The following DSCAM variants were observed in gnomAD, a reference collection of about 807,000 sequenced individuals.
DSCAM encodes the protein cell adhesion molecule DSCAM.
In DSCAM, 47 loss-of-function variants were observed where a neutral mutation model predicts 217.7. The ratio of observed to expected loss-of-function variants is 0.22; its 90% CI spans 0.17 to 0.28. DSCAM has a LOEUF of 0.28. DSCAM is among the 10% of genes least tolerant of loss of function. The pLI is 1.00. For synonymous variants in DSCAM, 1,056 were observed against 1,015.3 expected, an observed-to-expected ratio of 1.04 and a Z score of -0.76; for missense variants, 2,080 against 2,618.3, an observed-to-expected ratio of 0.79 and a Z score of 4.49.
At chr21:40,652,875 G>A (rs1380217432) in intron 3 of DSCAM, among the ~76,000 whole-genome samples, 2 of 152,178 alleles carry the variant, frequency 1.3e-5, no homozygotes, top group African/African-American at 4.8e-5. Context: ...CGCTGTGTCA[G>A]TTGAACCTCT....
intron 3 of DSCAM, among the ~76,000 whole-genome samples, chr21:40,563,876 A>G (rs1448481393): frequency 2.0e-5 from 3 of 151,466 alleles, no homozygotes; most frequent in Admixed American, 6.6e-5. Context: ...ATATATAGTT[A>G]TATGTTTAGA....
At chr21:40,701,993 C>G (rs2090661728) in intron 2 of DSCAM, among the ~76,000 whole-genome samples, 1 of 152,072 alleles carries the variant, frequency 6.6e-6, no homozygotes, top group African/African-American at 2.4e-5. Flanking sequence ...TACTGATTTT[C>G]TGTCTACTTC....
intron 21 of DSCAM, among the ~76,000 whole-genome samples, chr21:40,088,144 C>T (rs768354284): frequency 5.9e-5 from 9 of 152,100 alleles, no homozygotes; most frequent in Non-Finnish European, 8.8e-5. Flanking sequence ...TTTGTTTTAG[C>T]CAGTATGCTT....
At chr21:40,759,704 A>G (rs564436604) in intron 1 of DSCAM, among the ~76,000 whole-genome samples, 20 of 152,246 alleles carry the variant, frequency 1.3e-4, no homozygotes, top group African/African-American at 4.3e-4. Context: ...GCTTCAGTCC[A>G]GGACTTCAAA....
At position 40,408,310 on chromosome 21, in the gene DSCAM, A is replaced by C. The variant is rs563192133; in HGVS notation, c.509-39065T>G. 7.2e-5 allele frequency among the ~76,000 whole-genome samples: 11 copies of C among 152,268 alleles called. 1 individual carries two copies. Among genetic ancestry groups the C allele is most frequent in the African/African-American group, 2.4e-4 (10 of 41,564 alleles). The stretch of plus-strand genomic sequence containing the variant: ...CTGTGATAGGGTGGGGGGACAGGAC[A>C]CTGAAAAGCTGGAATTTAAGGTAAC... On this transcript the variant is annotated intron_variant, in intron 3 of 32. Transcript: ENST00000400454.
chr21:40,397,986 C>G (rs980233540), intron 3 of DSCAM, among the ~76,000 whole-genome samples: 2 of 152,182 alleles, frequency 1.3e-5, no homozygotes, highest in African/African-American at 4.8e-5. Context: ...TACCACTACT[C>G]TAAGAGCACC....
chr21:40,460,258 T>C (rs1012846), intron 3 of DSCAM, among the ~76,000 whole-genome samples: 105,243 of 152,006 alleles, frequency 0.69, 37,354 homozygotes, highest in African/African-American at 0.86. Flanking sequence ...CTGCACATCC[T>C]GCACAGGTAC....
intron 11 of DSCAM, among the ~76,000 whole-genome samples, chr21:40,225,622 T>A (rs955468861): frequency 6.6e-6 from 1 of 152,130 alleles, no homozygotes; most frequent in African/African-American, 2.4e-5. Context: ...GGCCCCGCCA[T>A]CCATCCTGAG....
intron 1 of DSCAM, among the ~76,000 whole-genome samples, chr21:40,807,109 GAATCAATC>G (rs138377770): frequency 0.29 from 44,224 of 151,114 alleles, 7,927 homozygotes; most frequent in African/African-American, 0.51. Context: ...AAAGTATAAT[GAATCAATC>G]AATCAATCAA....
chr21:40,671,302 AAGG>A (rs1230466343), intron 3 of DSCAM, among the ~76,000 whole-genome samples: 1 of 152,238 alleles, frequency 6.6e-6, no homozygotes. Flanking sequence ...TAAAACTTAT[AAGG>A]AGAACAGATA....
At chr21:40,367,795 G>A (rs549246008) in intron 4 of DSCAM, among the ~76,000 whole-genome samples, 2 of 152,120 alleles carry the variant, frequency 1.3e-5, no homozygotes, top group Non-Finnish European at 2.9e-5. Context: ...AGGTGGCTTA[G>A]TGTATGATAT....
intron 1 of DSCAM, among the ~76,000 whole-genome samples, chr21:40,814,185 C>A (rs1311255699): frequency 6.6e-6 from 1 of 152,204 alleles, no homozygotes; most frequent in African/African-American, 2.4e-5. Flanking sequence ...TATTTGTGGC[C>A]TCCAGCATGG....
intron 11 of DSCAM, among the ~76,000 whole-genome samples, chr21:40,214,038 T>G (rs941455066): frequency 6.6e-6 from 1 of 152,192 alleles, no homozygotes; most frequent in African/African-American, 2.4e-5. Flanking sequence ...CTTCCTTTCC[T>G]AGACAGACGG....
In DSCAM at chr21:40,074,903, C is replaced by A. The variant is rs549286292; in HGVS notation, c.4888+134G>T. ...TCTCGCTGAAGGAATGTCAGAGAAC[C>A]AGGCAGTGGAGGGACCTGGGTTAAA... On this transcript the variant is annotated intron_variant, in intron 27 of 32. Transcript: ENST00000400454. 1,322 of 841,208 alleles carry A rather than the reference C, an allele frequency of 1.6e-3. 1 individual carries two copies. The highest frequency in any genetic ancestry group is 2.2e-3 in the Non-Finnish European group (1,237 of 559,266). 52.1% of individuals were successfully genotyped at this position (841,208 alleles called of 1,614,324 possible).
Position 40,156,287 on chromosome 21 carries a change from CAGAGAGAGAGAGAGAGAGAGAG to C in DSCAM, c.3018+10909_3018+10930del, listed in dbSNP as rs749781848. Among the ~76,000 whole-genome samples the C allele has an allele frequency of 5.5e-3, 413 of 75,752 alleles. 4 individuals carry two copies. The highest frequency in any genetic ancestry group is 0.015 in the African/African-American group (355 of 23,168). 49.7% of individuals were successfully genotyped at this position (75,752 alleles called of 152,430 possible). A position where few individuals can be genotyped will look rare whatever the true frequency, so the allele number is the denominator to read the frequency against. On this transcript the variant is annotated intron_variant, in intron 16 of 32. Transcript: ENST00000400454. ...GGAAGCTGTGACAGTCAAACTAAGA[CAGAGAGAGAGAGAGAGAGAGAG>C]AGAGAGAGAGAGAGAGAGAGAGAGA...
intron 3 of DSCAM, among the ~76,000 whole-genome samples, chr21:40,386,696 T>G (rs2075088890): frequency 6.6e-6 from 1 of 152,274 alleles, no homozygotes; most frequent in Non-Finnish European, 1.5e-5. Context: ...TTACACTTCT[T>G]GGGTTTTGAT....
chr21:40,647,474 A>T (rs1411399168), intron 3 of DSCAM, among the ~76,000 whole-genome samples: 1 of 151,878 alleles, frequency 6.6e-6, no homozygotes, highest in Non-Finnish European at 1.5e-5. Flanking sequence ...GGCTAATTTT[A>T]TGCCAGTTTT....
At chr21:40,477,174 C>A (rs371393317) in intron 3 of DSCAM, among the ~76,000 whole-genome samples, 59 of 152,184 alleles carry the variant, frequency 3.9e-4, no homozygotes, top group African/African-American at 1.4e-3. Context: ...CCTGTTCAAA[C>A]CTCATTCATA....
At chr21:40,627,559 A>G (rs1045306841) in intron 3 of DSCAM, among the ~76,000 whole-genome samples, 2 of 152,236 alleles carry the variant, frequency 1.3e-5, no homozygotes, top group Non-Finnish European at 2.9e-5. Context: ...TATGCAGTCA[A>G]CCATACTTAA....
Sources: gnomAD v4.1 joint callset for allele counts (sites outside exome capture counted in the v4.1 genomes callset) on GRCh38, gnomAD v4.1.1 for gene constraint, MANE v1.5 for transcripts, NCBI Gene and HGNC (gene_info 2026-07-23, HGNC 2026-07-21) for gene names.